The following TTC17 variants were observed in gnomAD, a reference collection of about 807,000 sequenced individuals.
TTC17 encodes tetratricopeptide repeat domain 17, also known as tetratricopeptide repeat protein 17.
Under a neutral mutation model 143.8 loss-of-function variants are expected in TTC17, and 58 were observed. That is an observed-to-expected ratio of 0.40 (90% CI 0.33 to 0.50). The LOEUF is 0.50. Among genes scored for constraint, TTC17 ranks in the 20% least tolerant of loss-of-function variants. TTC17 has a pLI of 0.49. For missense variants in TTC17, 1,273 were observed against 1,392.5 expected (o/e 0.91, Z 1.37); for synonymous variants, 501 against 497.8 (o/e 1.01, Z -0.09).
At chr11:43,426,961 G>T (rs1947043563) in intron 16 of TTC17, among the ~76,000 whole-genome samples, 2 of 152,112 alleles carry the variant, frequency 1.3e-5, no homozygotes, top group Admixed American at 1.3e-4. Context: ...AATGTACAAG[G>T]TCTGTTGGTT....
At chr11:43,482,112 A>G (rs1421914136) in intron 21 of TTC17, among the ~76,000 whole-genome samples, 1 of 151,826 alleles carries the variant, frequency 6.6e-6, no homozygotes, top group Non-Finnish European at 1.5e-5. Context: ...CATTTTATTG[A>G]TCTTAAATAA....
chr11:43,451,302 C>T, intron 21 of TTC17, 37 bp downstream of exon 21: 1 of 1,576,084 alleles, frequency 6.3e-7, no homozygotes, highest in Non-Finnish European at 8.7e-7. Flanking sequence ...AACAATTGCC[C>T]TCCTTCTAAC....
At position 43,493,998 on chromosome 11, in the gene TTC17, TG is replaced by T; in HGVS notation, c.*95del. On this transcript the variant is annotated 3_prime_UTR_variant, in exon 24 of 24. Transcript: ENST00000039989. ...CATTGTCAGTATCTACTATTAATGA[TG>T]TGTGTGAAAATAACTAAGACTTATA... The T allele has an allele frequency of 7.0e-7, 1 of 1,436,774 alleles. No individual in the cohort carries two copies. 89.0% of individuals were successfully genotyped at this position (1,436,774 alleles called of 1,614,324 possible).
At chr11:43,436,278 A>T (rs1947291020) in intron 16 of TTC17, 7 of 1,390,652 alleles carry the variant, frequency 5.0e-6, no homozygotes, top group Non-Finnish European at 6.5e-6. Context: ...ACAGAGGAGG[A>T]CCCTGTATTC....
rs756000176 is a variant in TTC17 at position 43,492,009 on chromosome 11, T to C, written c.3151-11T>C. 6.2e-6 allele frequency: 10 copies of C among 1,612,622 alleles called. No homozygotes were observed. Among genetic ancestry groups the C allele is most frequent in the Admixed American group, 3.3e-5 (2 of 59,798 alleles). On this transcript the variant is annotated splice_polypyrimidine_tract_variant and intron_variant, in intron 22 of 23. Coordinates refer to ENST00000039989, the MANE Select transcript of TTC17 (RefSeq NM_018259.6). ...AATTTTCCCTTCTCACCATTCTCCT[T>C]CTTCTCCCAGGATGTGCCCCTGATT...
intron 9 of TTC17, 120 bp downstream of exon 9, chr11:43,400,168 A>T (rs1857788101): frequency 8.9e-7 from 1 of 1,125,882 alleles, no homozygotes; most frequent in Admixed American, 2.7e-5. Flanking sequence ...ACTTCCCTAC[A>T]TCTCGAAAGC....
At chr11:43,360,079 G>A (rs1856036242) in intron 1 of TTC17, among the ~76,000 whole-genome samples, 1 of 152,180 alleles carries the variant, frequency 6.6e-6, no homozygotes, top group African/African-American at 2.4e-5. Context: ...GATCTAAAAC[G>A]TTTTAACTAG....
At chr11:43,392,684 C>A (rs1489873878) in intron 5 of TTC17, among the ~76,000 whole-genome samples, 1 of 152,172 alleles carries the variant, frequency 6.6e-6, no homozygotes, top group Non-Finnish European at 1.5e-5. Context: ...GTGTTACCAT[C>A]TTCATCTTAT....
At chr11:43,489,266 G>T (rs919425184) in intron 21 of TTC17, among the ~76,000 whole-genome samples, 1 of 152,088 alleles carries the variant, frequency 6.6e-6, no homozygotes, top group African/African-American at 2.4e-5. Flanking sequence ...CAGAAAAGAC[G>T]TTCAAAAGGC....
chr11:43,461,711 T>C (rs1424826063), intron 21 of TTC17, among the ~76,000 whole-genome samples: 1 of 152,046 alleles, frequency 6.6e-6, no homozygotes, highest in Non-Finnish European at 1.5e-5. Context: ...CCCTGAGGAG[T>C]TTCAATTTTA....
rs747232273 is a variant in TTC17 at position 43,414,723 on chromosome 11, G to T, written c.2198G>T (p.Arg733Leu). 6.2e-7 allele frequency: 1 copy of T among 1,613,544 alleles called. No homozygotes were observed. The highest frequency in any genetic ancestry group is 1.1e-5 in the South Asian group (1 of 91,034). ...TGTGAAAACAGCCTGAAGTTGATCC[G>T]CTGTATGCAGTTTTATCCTTTTCTG... The part of the protein sequence containing the change: ...PECENSLKLI[R>L]CMQFYPFLYN... The change falls in exon 16 of 24, where the codon CGC becomes CTC. Residue 733 changes from arginine (R) to leucine (L), a missense_variant. Coordinates refer to ENST00000039989, the MANE Select transcript of TTC17 (RefSeq NM_018259.6).
At chr11:43,405,449 GTTTA>G (rs1321489586) in intron 11 of TTC17, 61 bp from the exon 12 acceptor site, 46 of 1,206,074 alleles carry the variant, frequency 3.8e-5, no homozygotes, top group Non-Finnish European at 5.1e-5. Context: ...CATTTTAAAA[GTTTA>G]TTTAGCATAT....
intron 2 of TTC17, 48 bp downstream of exon 2, chr11:43,379,370 A>T: frequency 6.6e-7 from 1 of 1,516,476 alleles, no homozygotes; most frequent in Non-Finnish European, 9.1e-7. Context: ...GTTGCATTTC[A>T]CAGGAGCCAT....
chr11:43,486,249 A>C lies in TTC17; in HGVS notation c.3031-3990A>C, dbSNP rs1037944205. Among the ~76,000 whole-genome samples the C allele has an allele frequency of 8.5e-5, 13 of 152,156 alleles. 2 individuals carry two copies. The highest frequency in any genetic ancestry group is 7.9e-4 in the Admixed American group (12 of 15,266). On this transcript the variant is annotated intron_variant, in intron 21 of 23. Transcript: ENST00000039989. ...TATTAAATGGAAAATTCCAAAAATAAATATAAGTTTTTAAGTTGTCCACCA... is the reference window on the plus strand; with the variant it reads ...TATTAAATGGAAAATTCCAAAAATACATATAAGTTTTTAAGTTGTCCACCA...
chr11:43,397,757 C>T (rs1314696242), intron 7 of TTC17, among the ~76,000 whole-genome samples: 1 of 151,950 alleles, frequency 6.6e-6, no homozygotes, highest in Non-Finnish European at 1.5e-5. Flanking sequence ...CCAACTAAAC[C>T]ATCCTATAGT....
intron 21 of TTC17, among the ~76,000 whole-genome samples, chr11:43,463,489 A>G (rs530918017): frequency 3.9e-5 from 6 of 152,226 alleles, no homozygotes; most frequent in Non-Finnish European, 4.4e-5. Context: ...GAGAATTTTA[A>G]AAGAAAATAC....
At chr11:43,455,550 G>GACT (rs1429139694) in intron 21 of TTC17, among the ~76,000 whole-genome samples, 3 of 152,052 alleles carry the variant, frequency 2.0e-5, no homozygotes, top group Non-Finnish European at 1.5e-5. Flanking sequence ...TAGAGAATCA[G>GACT]ACTACTTTAA....
At chr11:43,449,877 G>C in intron 19 of TTC17, 1 of 581,084 alleles carries the variant, frequency 1.7e-6, no homozygotes, top group Admixed American at 3.3e-5. Context: ...GATATAACTA[G>C]TTGTGGGTAT....
chr11:43,389,576 A>G (rs558300042), intron 2 of TTC17, 76 bp from the exon 3 acceptor site: 3 of 1,424,464 alleles, frequency 2.1e-6, no homozygotes, highest in South Asian at 3.1e-5. Context: ...TTCAGCTCAG[A>G]TTCCCCTTTC....
Sources: gnomAD v4.1 joint callset for allele counts (sites outside exome capture counted in the v4.1 genomes callset) on GRCh38, gnomAD v4.1.1 for gene constraint, MANE v1.5 for transcripts, NCBI Gene and HGNC (gene_info 2026-07-23, HGNC 2026-07-21) for gene names.